The following CHRM3 variants were observed in gnomAD, a reference collection of about 807,000 sequenced individuals.
The protein encoded by CHRM3 is cholinergic receptor muscarinic 3.
CHRM3 carries 11 observed loss-of-function variants against 41.8 expected under a neutral mutation model. The observed-to-expected ratio is 0.26, with a 90% confidence interval of 0.17 to 0.44. CHRM3 has a LOEUF of 0.44. CHRM3 is among the 20% of genes least tolerant of loss of function. The pLI is 1.00. For synonymous variants in CHRM3, 297 were observed against 301.4 expected (o/e 0.99, Z 0.15); for missense variants, 571 against 745.4 (o/e 0.77, Z 2.72).
At chr1:239,495,348 C>T (rs1454054785) in intron 2 of CHRM3, among the ~76,000 whole-genome samples, 1 of 152,186 alleles carries the variant, frequency 6.6e-6, no homozygotes, top group Admixed American at 6.5e-5. Flanking sequence ...GTCAAAAGAG[C>T]AGGCTGGCAT....
chr1:239,590,627 A>C (rs1281535484), intron 3 of CHRM3, among the ~76,000 whole-genome samples: 2 of 152,162 alleles, frequency 1.3e-5, no homozygotes, highest in African/African-American at 4.8e-5. Context: ...TTCTTCAGGA[A>C]ATTCTTTATA....
intron 1 of CHRM3, among the ~76,000 whole-genome samples, chr1:239,485,489 G>A (rs1052971709): frequency 6.6e-6 from 1 of 152,000 alleles, no homozygotes; most frequent in Non-Finnish European, 1.5e-5. Context: ...TCACTATATT[G>A]CCCAGGCTAG....
chr1:239,464,643 A>G (rs1665595430), intron 1 of CHRM3, among the ~76,000 whole-genome samples: 1 of 152,104 alleles, frequency 6.6e-6, no homozygotes, highest in South Asian at 2.1e-4. Context: ...GGTGTCCCCT[A>G]CCCTTGCATA....
intron 5 of CHRM3, among the ~76,000 whole-genome samples, chr1:239,805,254 G>A (rs553023039): frequency 2.4e-4 from 36 of 152,288 alleles, no homozygotes; most frequent in Admixed American, 1.2e-3. Context: ...CTAGTCCAGC[G>A]CAGATGACAT....
At chr1:239,608,330 T>C (rs1452635149) in intron 3 of CHRM3, among the ~76,000 whole-genome samples, 1 of 152,216 alleles carries the variant, frequency 6.6e-6, no homozygotes, top group Non-Finnish European at 1.5e-5. Flanking sequence ...ATCACATATG[T>C]CTCCCTCATT....
At chr1:239,467,543 G>A (rs372918312) in intron 1 of CHRM3, among the ~76,000 whole-genome samples, 24 of 152,080 alleles carry the variant, frequency 1.6e-4, no homozygotes, top group African/African-American at 5.3e-4. Context: ...CTCGTGATCC[G>A]CCTGCCTCGG....
chr1:239,798,925 C>T (rs771013048), intron 5 of CHRM3, among the ~76,000 whole-genome samples: 1 of 152,124 alleles, frequency 6.6e-6, no homozygotes, highest in Non-Finnish European at 1.5e-5. Context: ...ATTTTGGAGG[C>T]ATTTGCAGCG....
intron 1 of CHRM3, among the ~76,000 whole-genome samples, chr1:239,404,267 T>C (rs6663358): frequency 8.2e-4 from 115 of 140,038 alleles, no homozygotes; most frequent in Middle Eastern, 4.0e-3. Flanking sequence ...CCAGCCTGGG[T>C]GACAGAGCGA....
intron 2 of CHRM3, among the ~76,000 whole-genome samples, chr1:239,543,469 C>T (rs1022119135): frequency 2.0e-5 from 3 of 152,028 alleles, no homozygotes; most frequent in Non-Finnish European, 2.9e-5. Context: ...CCAAATCAAG[C>T]ATGAACAATT....
chr1:239,576,592 A>ACG lies in CHRM3; in HGVS notation c.-313+30845_-313+30846dup, dbSNP rs1553331586. Among the ~76,000 whole-genome samples, 54 of 81,250 alleles carry ACG rather than the reference A, an allele frequency of 6.6e-4. No homozygotes were observed. In the South Asian group the frequency reaches 0.013, roughly 20 times the overall value. 53.3% of individuals were successfully genotyped at this position (81,250 alleles called of 152,430 possible). On this transcript the variant is annotated intron_variant, in intron 3 of 6. Transcript: ENST00000676153. Reference sequence around the variant, plus strand: ...ATCATCTCTACACACACACACACACACGCACACACACACACACACACACAC... The same window carrying ACG: ...ATCATCTCTACACACACACACACACACGCGCACACACACACACACACACACAC...
intron 3 of CHRM3, among the ~76,000 whole-genome samples, chr1:239,577,541 C>T (rs1369979747): frequency 2.0e-5 from 3 of 152,314 alleles, no homozygotes; most frequent in Admixed American, 6.5e-5. Context: ...CTACCATGCA[C>T]TGTCCCCTCT....
chr1:239,697,109 T>TAAAGTA (rs1367565772), intron 5 of CHRM3, among the ~76,000 whole-genome samples: 3 of 152,200 alleles, frequency 2.0e-5, no homozygotes, highest in African/African-American at 7.2e-5. Context: ...AATATGCAAG[T>TAAAGTA]AATATCAATA....
At chr1:239,394,080 G>A (rs896599164) in intron 1 of CHRM3, among the ~76,000 whole-genome samples, 1 of 152,148 alleles carries the variant, frequency 6.6e-6, no homozygotes, top group African/African-American at 2.4e-5. Flanking sequence ...CAAGGGCTCT[G>A]CTTTTCAGAG....
chr1:239,404,746 A>G, intron 1 of CHRM3, among the ~76,000 whole-genome samples: 1 of 144,600 alleles, frequency 6.9e-6, no homozygotes. Context: ...ATATATATAT[A>G]TATATATATA....
chr1:239,415,578 AACTC>A (rs542117300), intron 1 of CHRM3, among the ~76,000 whole-genome samples: 3 of 152,232 alleles, frequency 2.0e-5, no homozygotes, highest in Non-Finnish European at 2.9e-5. Context: ...ACAAAGAAGA[AACTC>A]ACATTCAGAT....
intron 5 of CHRM3, among the ~76,000 whole-genome samples, chr1:239,770,103 G>C (rs1667539964): frequency 6.6e-6 from 1 of 152,098 alleles, no homozygotes; most frequent in Non-Finnish European, 1.5e-5. Context: ...AAAATACGTT[G>C]AACACTGACT....
chr1:239,835,577 G>A (rs1673244217), intron 6 of CHRM3, among the ~76,000 whole-genome samples: 1 of 152,054 alleles, frequency 6.6e-6, no homozygotes, highest in Middle Eastern at 3.2e-3. Flanking sequence ...CTTGGTTTTC[G>A]ACCGTCAAAG....
At chr1:239,607,036 A>T (rs1220316811) in intron 3 of CHRM3, among the ~76,000 whole-genome samples, 2 of 152,164 alleles carry the variant, frequency 1.3e-5, no homozygotes, top group Non-Finnish European at 2.9e-5. Context: ...AGTGAAATTT[A>T]TTTAAGTGAA....
intron 1 of CHRM3, among the ~76,000 whole-genome samples, chr1:239,408,784 GC>G (rs1246317664): frequency 6.9e-6 from 1 of 145,456 alleles, no homozygotes; most frequent in African/African-American, 2.5e-5. Flanking sequence ...AGCGTGGCTG[GC>G]TAGATTTTTT....
Sources: gnomAD v4.1 joint callset for allele counts (sites outside exome capture counted in the v4.1 genomes callset) on GRCh38, gnomAD v4.1.1 for gene constraint, MANE v1.5 for transcripts, NCBI Gene and HGNC (gene_info 2026-07-23, HGNC 2026-07-21) for gene names.